The following CLDN11 variants were observed in gnomAD, a reference collection of about 807,000 sequenced individuals.
CLDN11 encodes claudin-11.
Under a neutral mutation model 18.0 loss-of-function variants are expected in CLDN11, and 1 was observed. That is an observed-to-expected ratio of 0.06 (90% confidence interval 0.02 to 0.26). The LOEUF is 0.26. CLDN11 is among the 10% of genes least tolerant of loss of function. The pLI, the probability that CLDN11 is intolerant of heterozygous loss-of-function variation, is 1.00. For missense variants in CLDN11, 172 were observed against 276.6 expected, an observed-to-expected ratio of 0.62 and a Z score of 2.68; for synonymous variants, 116 against 121.5, an observed-to-expected ratio of 0.96 and a Z score of 0.30.
In CLDN11 at chr3:170,432,516, C is replaced by T. The variant is rs765340122; in HGVS notation, c.392-8C>T. The stretch of plus-strand genomic sequence containing the variant: ...GCGCCCAGTCACCGCCTCTCCATGT[C>T]TCTCCAGCTCTCTGCGCCCTTGTTG... On this transcript the variant is annotated splice_polypyrimidine_tract_variant and splice_region_variant and intron_variant, in intron 2 of 2. Transcript: ENST00000064724. The T allele has an allele frequency of 1.9e-6, 3 of 1,611,656 alleles. No homozygotes were observed. Among genetic ancestry groups the T allele is most frequent in the Non-Finnish European group, 2.5e-6 (3 of 1,180,010 alleles).
At chr3:170,420,096 G>C (rs530635118) in intron 1 of CLDN11, among the ~76,000 whole-genome samples, 33 of 152,372 alleles carry the variant, frequency 2.2e-4, no homozygotes, top group Admixed American at 4.6e-4. Context: ...CACCCCTCCA[G>C]CGTGTCTCAG....
Position 170,432,750 on chromosome 3 carries a change from C to A in CLDN11, c.618C>A (p.His206Gln). ...SSSPTHAKSA[H>Q]V ...CCCCGACTCATGCGAAGAGTGCCCA[C>A]GTATAAGAGGGCTGCCCGGCTGCCC... is the stretch of plus-strand genomic sequence containing the variant. Residue 206 changes from histidine to glutamine, a missense_variant, in exon 3 of 3, where the codon CAC becomes CAA. His to Gln is a conservative substitution (Grantham distance 24). Coordinates refer to ENST00000064724, the MANE Select transcript of CLDN11 (RefSeq NM_005602.6). 3 of 1,614,144 alleles carry A rather than the reference C, an allele frequency of 1.9e-6. No individual in the cohort carries two copies. Among genetic ancestry groups the A allele is most frequent in the Non-Finnish European group, 2.5e-6 (3 of 1,179,990 alleles).
chr3:170,418,992 C>A lies in CLDN11; in HGVS notation c.-75C>A. 2 of 1,122,818 alleles carry A rather than the reference C, an allele frequency of 1.8e-6. No individual in the cohort carries two copies. The highest frequency in any genetic ancestry group is 2.1e-5 in the Admixed American group (1 of 47,508). The allele number at this position is 1,122,818 out of a possible 1,614,324, so 69.6% of individuals were successfully genotyped here. ...CGGCTCGCGAGCGTGGGAGACGTAC[C>A]TGGGCAGGCACTGTCCAGCCCAGGC... On this transcript the variant is annotated 5_prime_UTR_variant, in exon 1 of 3. The change creates a new upstream start codon in the 5' untranslated region. Coordinates refer to ENST00000064724, the MANE Select transcript of CLDN11 (RefSeq NM_005602.6). This position sits in a 1 kb window ranked among gnomAD's most constrained non-coding sequence, Gnocchi z 4.3.
chr3:170,431,827 T>C (rs1345862795), intron 2 of CLDN11, among the ~76,000 whole-genome samples: 1 of 152,208 alleles, frequency 6.6e-6, no homozygotes, highest in Non-Finnish European at 1.5e-5. Flanking sequence ...TTCATTTGTG[T>C]GTTGGGATTT....
At chr3:170,425,569 T>C (rs1738833818) in intron 2 of CLDN11, among the ~76,000 whole-genome samples, 1 of 152,176 alleles carries the variant, frequency 6.6e-6, no homozygotes, top group South Asian at 2.1e-4. Context: ...TGTGTTGATA[T>C]AGATAGGCAG....
Position 170,423,240 on chromosome 3 carries a change from G to C in CLDN11, c.304G>C (p.Val102Leu). Reference protein sequence around the residue: ...GLPAILLLLTVLPCIRMGQEP... With the variant: ...GLPAILLLLTLLPCIRMGQEP... ...GCCGGCCATTTTACTGCTGCTGACT[G>C]TTCTTCCCTGCATCCGGATGGGCCA... The change falls in exon 2 of 3, where the codon GTT becomes CTT. Residue 102 changes from valine (V) to leucine (L), a missense_variant. By Grantham distance (32) the Val-to-Leu change is conservative. This residue lies in a region of CLDN11 where 161 missense variants were observed against 240.3 expected (regional missense o/e 0.67). Coordinates refer to ENST00000064724, the MANE Select transcript of CLDN11 (RefSeq NM_005602.6). 6.2e-7 allele frequency: 1 copy of C among 1,614,226 alleles called. No individual in the cohort carries two copies. The highest frequency in any genetic ancestry group is 8.5e-7 in the Non-Finnish European group (1 of 1,180,048).
chr3:170,427,777 C>T (rs1476171244), intron 2 of CLDN11, among the ~76,000 whole-genome samples: 2 of 150,202 alleles, frequency 1.3e-5, no homozygotes, highest in East Asian at 3.9e-4. Flanking sequence ...CCACTGCACT[C>T]CAGCCTGGGC....
In CLDN11 at chr3:170,419,873, T is replaced by C. The variant is rs999639628; in HGVS notation, c.226+581T>C. On this transcript the variant is annotated intron_variant, in intron 1 of 2. Transcript: ENST00000064724. This position sits in a 1 kb window ranked among gnomAD's most constrained non-coding sequence, Gnocchi z 8.6. ...CCAGGGCTCTCTGGGCTGCCTGGTT[T>C]GGGAAATGTCACGTTGATTCCCGCA... is the stretch of plus-strand genomic sequence containing the variant. Among the ~76,000 whole-genome samples, 9 of 152,212 alleles carry C rather than the reference T, an allele frequency of 5.9e-5. No individual in the cohort carries two copies. Among genetic ancestry groups the C allele is most frequent in the Non-Finnish European group, 8.8e-5 (6 of 68,024 alleles).
intron 2 of CLDN11, among the ~76,000 whole-genome samples, chr3:170,429,275 A>G (rs1054337964): frequency 7.9e-5 from 12 of 152,076 alleles, no homozygotes; most frequent in Admixed American, 7.2e-4. Context: ...GATGTGGTTC[A>G]TCTTTGAGAG....
intron 2 of CLDN11, among the ~76,000 whole-genome samples, chr3:170,426,353 G>A (rs756372651): frequency 1.3e-5 from 2 of 152,234 alleles, no homozygotes; most frequent in Non-Finnish European, 2.9e-5. Flanking sequence ...GGAGCCAGTT[G>A]CTTCTAAAGC....
chr3:170,427,108 AC>A (rs1738874352), intron 2 of CLDN11, among the ~76,000 whole-genome samples: 1 of 151,894 alleles, frequency 6.6e-6, no homozygotes, highest in Non-Finnish European at 1.5e-5. Flanking sequence ...AGTATAATAA[AC>A]CCCTGTGAAC....
At chr3:170,430,410 T>C (rs1738969062) in intron 2 of CLDN11, among the ~76,000 whole-genome samples, 1 of 152,218 alleles carries the variant, frequency 6.6e-6, no homozygotes, top group African/African-American at 2.4e-5. Context: ...TTGAACATTC[T>C]AGTCACAGAA....
chr3:170,422,662 A>T (rs766749436), intron 1 of CLDN11, among the ~76,000 whole-genome samples: 5 of 152,180 alleles, frequency 3.3e-5, no homozygotes, highest in Non-Finnish European at 4.4e-5. Flanking sequence ...ACCTCAGAAG[A>T]TCCACCTGCC....
chr3:170,420,217 A>G (rs1199147106), intron 1 of CLDN11, among the ~76,000 whole-genome samples: 3 of 152,174 alleles, frequency 2.0e-5, no homozygotes, highest in Non-Finnish European at 4.4e-5. Context: ...ATTTAAACCA[A>G]TGGGTTGGGC....
intron 1 of CLDN11, among the ~76,000 whole-genome samples, chr3:170,421,567 C>T (rs1738726036): frequency 6.6e-6 from 1 of 152,136 alleles, no homozygotes; most frequent in Non-Finnish European, 1.5e-5. Context: ...GGCCTTTTTG[C>T]ACGTGAGGGT....
Position 170,419,503 on chromosome 3 carries a change from A to G in CLDN11, c.226+211A>G, listed in dbSNP as rs1251395143. Among the ~76,000 whole-genome samples the G allele has an allele frequency of 6.6e-6, 1 of 152,238 alleles. No individual in the cohort carries two copies. The highest frequency in any genetic ancestry group is 2.4e-5 in the African/African-American group (1 of 41,470). On this transcript the variant is annotated intron_variant, in intron 1 of 2. Coordinates refer to ENST00000064724, the MANE Select transcript of CLDN11 (RefSeq NM_005602.6). The surrounding 1 kb of genome is among the most constrained non-coding windows in gnomAD (Gnocchi z 8.6). ...ATTCTTATCTGGAATTTGAGATAAT[A>G]GTGGCAATGTGGCCGGTGGTAACAC...
chr3:170,422,362 A>G (rs927976425), intron 1 of CLDN11, among the ~76,000 whole-genome samples: 1 of 152,248 alleles, frequency 6.6e-6, no homozygotes, highest in African/African-American at 2.4e-5. Flanking sequence ...TGTAATCTTC[A>G]GTAGAATTCT....
chr3:170,423,188 G>T lies in CLDN11; in HGVS notation c.252G>T (p.Leu84=). The T allele has an allele frequency of 6.2e-7, 1 of 1,614,202 alleles. No homozygotes were observed. Among genetic ancestry groups the T allele is most frequent in the Non-Finnish European group, 8.5e-7 (1 of 1,180,048 alleles). Residue 84 remains leucine, a synonymous_variant, in exon 2 of 3, where the codon CTG becomes CTT. Coordinates refer to ENST00000064724, the MANE Select transcript of CLDN11 (RefSeq NM_005602.6). ...GCTACGTGCAGGCCTGCCGCGCCCTGATGATTGCTGCCTCGGTCCTGGGTC... is the reference window on the plus strand; with the variant it reads ...GCTACGTGCAGGCCTGCCGCGCCCTTATGATTGCTGCCTCGGTCCTGGGTC... ...LPGYVQACRA[L]MIAASVLGLP...
rs144373429 is a variant in CLDN11, at chr3:170,427,256, A to G, written c.391+3929A>G. ...AAGAAAGATTTTTTTCGCTATTACT[A>G]ATGTAAGAAGTCAGAATAATTTAAA... On this transcript the variant is annotated intron_variant, in intron 2 of 2. Coordinates refer to ENST00000064724, the MANE Select transcript of CLDN11 (RefSeq NM_005602.6). Among the ~76,000 whole-genome samples, 571 of 152,296 alleles carry G rather than the reference A, an allele frequency of 3.7e-3. 6 individuals carry two copies. Among genetic ancestry groups the G allele is most frequent in the African/African-American group, 0.013 (525 of 41,562 alleles).
Sources: gnomAD v4.1 joint callset for allele counts (sites outside exome capture counted in the v4.1 genomes callset) on GRCh38, gnomAD v4.1.1 for gene constraint, gnomAD v4.1.1 regional missense constraint, Gnocchi (gnomAD v3.1) non-coding constraint, MANE v1.5 for transcripts, NCBI Gene and HGNC (gene_info 2026-07-23, HGNC 2026-07-21) for gene names.